SDK1: variants seen among roughly 807,000 people sequenced by gnomAD.
SDK1 encodes the protein protein sidekick-1.
In SDK1, 157 loss-of-function variants were observed where a neutral mutation model predicts 245.5. That is an observed-to-expected ratio of 0.64 (90% confidence interval 0.56 to 0.73). SDK1 has a LOEUF of 0.73. Among genes scored for constraint, SDK1 ranks in the 30% least tolerant of loss-of-function variants. The pLI is 0.00. For missense variants in SDK1, 3,583 were observed against 3,002.3 expected, an observed-to-expected ratio of 1.19 and a Z score of -4.52; for synonymous variants, 1,647 against 1,278.5, an observed-to-expected ratio of 1.29 and a Z score of -6.15.
In SDK1 at chr7:3,659,735, A is replaced by G. The variant is rs568179863; in HGVS notation, c.713+17630A>G. Among the ~76,000 whole-genome samples the G allele has an allele frequency of 1.5e-3, 227 of 152,348 alleles. 2 individuals are homozygous for G. The highest frequency in any genetic ancestry group is 3.4e-3 in the Middle Eastern group (1 of 294). The stretch of plus-strand genomic sequence containing the variant: ...TGAAGAATAGAGAGTAAGGGGCAGA[A>G]GGAGAAGCGGAGAGAATACGTAGGA... On this transcript the variant is annotated intron_variant, in intron 4 of 44. Coordinates refer to ENST00000404826, the MANE Select transcript of SDK1 (RefSeq NM_152744.4).
At chr7:3,792,406 AG>A (rs1781125150) in intron 4 of SDK1, among the ~76,000 whole-genome samples, 1 of 152,168 alleles carries the variant, frequency 6.6e-6, no homozygotes, top group Non-Finnish European at 1.5e-5. Context: ...TGTTTTCCTA[AG>A]ATCTACGTTC....
At chr7:4,138,351 G>T (rs1281317246) in intron 28 of SDK1, among the ~76,000 whole-genome samples, 1 of 152,156 alleles carries the variant, frequency 6.6e-6, no homozygotes, top group African/African-American at 2.4e-5. Context: ...TGCTTCTAAA[G>T]GGAAAACATG....
chr7:3,975,869 T>C lies in SDK1; in HGVS notation c.1994+1324T>C, dbSNP rs549421114. On this transcript the variant is annotated intron_variant, in intron 13 of 44. Transcript: ENST00000404826. The stretch of plus-strand genomic sequence containing the variant: ...CTACAGAATCAGCCGGCGGCAGTGG[T>C]GCGGGGGTCCTGGTGCTGCAGCTGC... 6.3e-3 allele frequency among the ~76,000 whole-genome samples: 952 copies of C among 151,986 alleles called. 18 individuals carry two copies. The highest frequency in any genetic ancestry group is 0.022 in the African/African-American group (897 of 41,330).
chr7:3,951,637 G>A (rs1780842523), intron 6 of SDK1, 93 bp from the exon 7 acceptor site: 1 of 1,130,296 alleles, frequency 8.8e-7, no homozygotes, highest in Non-Finnish European at 1.3e-6. Context: ...GGTAGCATTA[G>A]CTTCGTCAAG....
intron 44 of SDK1, among the ~76,000 whole-genome samples, chr7:4,250,900 AT>A (rs1259436588): frequency 6.6e-6 from 1 of 152,156 alleles, no homozygotes; most frequent in Non-Finnish European, 1.5e-5. Flanking sequence ...GAACTTTTTC[AT>A]CGCTCTAAAA....
intron 40 of SDK1, among the ~76,000 whole-genome samples, chr7:4,232,375 T>C (rs1372726758): frequency 6.9e-6 from 1 of 145,450 alleles, no homozygotes; most frequent in African/African-American, 2.5e-5. Context: ...TTTTTTTTTT[T>C]CCTTTTTTCT....
chr7:3,849,170 G>GGACT (rs1364152786), intron 5 of SDK1, among the ~76,000 whole-genome samples: 5 of 152,140 alleles, frequency 3.3e-5, no homozygotes, highest in Admixed American at 3.3e-4. Context: ...CTCCTCTGCT[G>GGACT]GACTGTTCTT....
At chr7:3,707,876 C>G (rs185662903) in intron 4 of SDK1, among the ~76,000 whole-genome samples, 1 of 152,162 alleles carries the variant, frequency 6.6e-6, no homozygotes, top group Non-Finnish European at 1.5e-5. Flanking sequence ...ATAGCTACTT[C>G]TGCTCACTTT....
At chr7:4,179,589 A>C (rs1782471108) in intron 35 of SDK1, among the ~76,000 whole-genome samples, 1 of 152,114 alleles carries the variant, frequency 6.6e-6, no homozygotes, top group African/African-American at 2.4e-5. Flanking sequence ...CATCAAGAGC[A>C]TACGGTATTT....
intron 35 of SDK1, among the ~76,000 whole-genome samples, chr7:4,182,284 G>A (rs1782645185): frequency 6.6e-6 from 1 of 152,146 alleles, no homozygotes; most frequent in South Asian, 2.1e-4. Context: ...CCCTCTGTGC[G>A]GTATCCTGGG....
chr7:4,135,081 G>A (rs1413208267), intron 28 of SDK1, among the ~76,000 whole-genome samples: 1 of 152,188 alleles, frequency 6.6e-6, no homozygotes, highest in Non-Finnish European at 1.5e-5. Context: ...CCGGAGTGAG[G>A]CCCGCTGTCC....
intron 1 of SDK1, among the ~76,000 whole-genome samples, chr7:3,514,239 C>G (rs1470652344): frequency 6.6e-6 from 1 of 152,120 alleles, no homozygotes; most frequent in East Asian, 1.9e-4. Flanking sequence ...TTACAATGGA[C>G]ATTTCTGCAT....
rs181018171 is a variant in SDK1 at position 3,980,679 on chromosome 7, C to T, written c.1994+6134C>T. Reference sequence around the variant, plus strand: ...GAAATAGTGGCTGGCCGCAGAGGCTCACGCCTGTAATCGCAGCACTTTGGG... The same window carrying T: ...GAAATAGTGGCTGGCCGCAGAGGCTTACGCCTGTAATCGCAGCACTTTGGG... On this transcript the variant is annotated intron_variant, in intron 13 of 44. Coordinates refer to ENST00000404826, the MANE Select transcript of SDK1 (RefSeq NM_152744.4). Among the ~76,000 whole-genome samples the T allele has an allele frequency of 1.1e-4, 16 of 152,346 alleles. No individual in the cohort carries two copies. The East Asian group carries it at 3.1e-3, about 29-fold the overall frequency.
chr7:3,775,212 G>A (rs2115004487), intron 4 of SDK1, among the ~76,000 whole-genome samples: 1 of 152,300 alleles, frequency 6.6e-6, no homozygotes, highest in Admixed American at 6.5e-5. Context: ...AGTTTAAGGT[G>A]TTTGGTTTTT....
At chr7:4,065,102 A>T (rs145853173) in intron 19 of SDK1, among the ~76,000 whole-genome samples, 4 of 152,230 alleles carry the variant, frequency 2.6e-5, no homozygotes, top group Non-Finnish European at 5.9e-5. Flanking sequence ...ACTCCAGGCC[A>T]TAGGCACTCT....
chr7:3,915,771 C>T (rs918181941), intron 5 of SDK1, among the ~76,000 whole-genome samples: 18 of 152,318 alleles, frequency 1.2e-4, no homozygotes, highest in African/African-American at 3.8e-4. Flanking sequence ...TACCAAGTCA[C>T]GTGCTGACTG....
chr7:3,329,370 A>C (rs989639568), intron 1 of SDK1, among the ~76,000 whole-genome samples: 2 of 152,164 alleles, frequency 1.3e-5, no homozygotes, highest in Non-Finnish European at 2.9e-5. Flanking sequence ...GCTTTATTCA[A>C]GATACAATTC....
At chr7:3,325,074 T>A (rs1354770171) in intron 1 of SDK1, among the ~76,000 whole-genome samples, 2 of 152,082 alleles carry the variant, frequency 1.3e-5, no homozygotes, top group African/African-American at 4.8e-5. Context: ...GCATCCTAGG[T>A]TCCTTGGGAA....
rs548294961 is a variant in SDK1 at position 3,393,858 on chromosome 7, G to C, written c.298+91974G>C. Reference sequence around the variant, plus strand: ...GTTCACTGTTGTCTTATTTAGTTCAGTTTGTGAGGTCGTGTTTTCCCGGAT... The same window carrying C: ...GTTCACTGTTGTCTTATTTAGTTCACTTTGTGAGGTCGTGTTTTCCCGGAT... On this transcript the variant is annotated intron_variant, in intron 1 of 44. Coordinates refer to ENST00000404826, the MANE Select transcript of SDK1 (RefSeq NM_152744.4). 6.6e-5 allele frequency among the ~76,000 whole-genome samples: 10 copies of C among 152,228 alleles called. 1 individual carries two copies. In the South Asian group the frequency reaches 2.1e-3, roughly 32 times the overall value.
Sources: allele counts gnomAD v4.1 joint callset (sites outside exome capture counted in the v4.1 genomes callset), GRCh38; gene constraint gnomAD v4.1.1; transcripts MANE v1.5; gene names NCBI Gene and HGNC (gene_info 2026-07-23, HGNC 2026-07-21).